CD300LG: variants seen among roughly 807,000 people sequenced by gnomAD.
The protein encoded by CD300LG is CD300 molecule like family member g.
CD300LG carries 29 observed loss-of-function variants against 31.5 expected under a neutral mutation model. The ratio of observed to expected loss-of-function variants is 0.92; its 90% CI spans 0.68 to 1.25. CD300LG has a LOEUF of 1.25. Among genes scored for constraint, CD300LG ranks in the 50% most tolerant of loss-of-function variants. The pLI is 0.00. For synonymous variants in CD300LG, 175 were observed against 177.2 expected (o/e 0.99, Z 0.10); for missense variants, 396 against 417.6 (o/e 0.95, Z 0.45).
chr17:43,859,889 A>G (rs1254155980), intron 6 of CD300LG, among the ~76,000 whole-genome samples: 2 of 152,080 alleles, frequency 1.3e-5, no homozygotes, highest in African/African-American at 4.8e-5. Flanking sequence ...TCTTTGGTAT[A>G]TATTTTATCT....
chr17:43,853,032 C>T lies in CD300LG; in HGVS notation c.481+19C>T, dbSNP rs532112796. 1.1e-5 allele frequency: 17 copies of T among 1,594,080 alleles called. No individual in the cohort carries two copies. The highest frequency in any genetic ancestry group is 8.1e-5 in the African/African-American group (6 of 74,516). ...GGATTGAGTGAGTGAATGGCAATTC[C>T]GCCCCTTCCCTTGCCACCCTTCTTA... is the stretch of plus-strand genomic sequence containing the variant. On this transcript the variant is annotated intron_variant, in intron 3 of 6. Coordinates refer to ENST00000317310, the MANE Select transcript of CD300LG (RefSeq NM_145273.4).
Position 43,862,010 on chromosome 17 carries a change from C to T in CD300LG, c.*99C>T, listed in dbSNP as rs372575511. Reference sequence around the variant, plus strand: ...TTTCCACCTCAGCCTCAGAGTCCAGCTGCCCGGACTCCAGGGCTCTCCCCA... The same window carrying T: ...TTTCCACCTCAGCCTCAGAGTCCAGTTGCCCGGACTCCAGGGCTCTCCCCA... On this transcript the variant is annotated 3_prime_UTR_variant, in exon 7 of 7. Coordinates refer to ENST00000317310, the MANE Select transcript of CD300LG (RefSeq NM_145273.4). 3.3e-5 allele frequency: 25 copies of T among 768,606 alleles called. No individual in the cohort carries two copies. The East Asian group carries it at 5.2e-4, about 16-fold the overall frequency. 47.6% of individuals were successfully genotyped at this position (768,606 alleles called of 1,614,324 possible). A position where few individuals can be genotyped will look rare whatever the true frequency, so the allele number is the denominator to read the frequency against.
intron 3 of CD300LG, among the ~76,000 whole-genome samples, chr17:43,853,291 G>A (rs1305337269): frequency 6.6e-6 from 1 of 152,102 alleles, no homozygotes; most frequent in Non-Finnish European, 1.5e-5. Context: ...AAGCCAGAAA[G>A]GCCAGGCCTT....
At chr17:43,851,097 G>A (rs1301847435) in intron 2 of CD300LG, among the ~76,000 whole-genome samples, 4 of 131,752 alleles carry the variant, frequency 3.0e-5, no homozygotes, top group African/African-American at 1.2e-4. Flanking sequence ...TCGTGCCACT[G>A]CACTCCAGCC....
Position 43,847,287 on chromosome 17 carries a change from G to T in CD300LG, c.43+28G>T, listed in dbSNP as rs201378791. 72 of 1,598,380 alleles carry T rather than the reference G, an allele frequency of 4.5e-5. No individual in the cohort carries two copies. In the East Asian group the frequency reaches 1.6e-3, roughly 36 times the overall value. On this transcript the variant is annotated intron_variant, in intron 1 of 6. Coordinates refer to ENST00000317310, the MANE Select transcript of CD300LG (RefSeq NM_145273.4). ...GAGATGGGGAGAGGGTCTCGGGAGG[G>T]ATGTGGGGCTCACCCTTGTGGTCTG...
At chr17:43,858,947 G>T (rs773095017) in intron 6 of CD300LG, among the ~76,000 whole-genome samples, 3 of 152,152 alleles carry the variant, frequency 2.0e-5, no homozygotes, top group Non-Finnish European at 4.4e-5. Context: ...CGTGTCAGGG[G>T]CTTTATATAT....
rs776973565 is a variant in CD300LG, at chr17:43,861,850, C to T, written c.938C>T (p.Ser313Leu). ...PSQAPEGDVISMPPLHTSEEE... is the reference protein window; with the variant it reads ...PSQAPEGDVILMPPLHTSEEE... ...CAGGCCCCTGAGGGGGACGTGATCT[C>T]GATGCCTCCCCTCCACACATCTGAG... is the stretch of plus-strand genomic sequence containing the variant. Residue 313 changes from serine to leucine, a missense_variant, in exon 7 of 7, where the codon TCG becomes TTG. By Grantham distance (145) the Ser-to-Leu change is moderately radical. Coordinates refer to ENST00000317310, the MANE Select transcript of CD300LG (RefSeq NM_145273.4). The T allele has an allele frequency of 4.3e-6, 7 of 1,612,846 alleles. No homozygotes were observed. The highest frequency in any genetic ancestry group is 5.9e-6 in the Non-Finnish European group (7 of 1,179,506).
At chr17:43,854,484 G>A (rs1216419414) in intron 4 of CD300LG, among the ~76,000 whole-genome samples, 2 of 152,236 alleles carry the variant, frequency 1.3e-5, no homozygotes, top group Non-Finnish European at 2.9e-5. Flanking sequence ...CCAGGCAGCT[G>A]CTGGCAGGTT....
At chr17:43,857,507 T>A in intron 6 of CD300LG, 1 of 1,513,074 alleles carries the variant, frequency 6.6e-7, no homozygotes, top group South Asian at 1.2e-5. Flanking sequence ...GCCTTTGAGA[T>A]CTCTAGCCTG....
intron 6 of CD300LG, among the ~76,000 whole-genome samples, chr17:43,860,163 G>A (rs747158238): frequency 2.0e-5 from 3 of 152,302 alleles, no homozygotes; most frequent in East Asian, 1.9e-4. Flanking sequence ...AGAGGAATGT[G>A]TCACACACCC....
In CD300LG at chr17:43,857,258, G is replaced by A. The variant is rs551548960; in HGVS notation, c.885+102G>A. 54 of 1,485,512 alleles carry A rather than the reference G, an allele frequency of 3.6e-5. No homozygotes were observed. In the South Asian group the frequency reaches 5.8e-4, roughly 16 times the overall value. 92.0% of individuals were successfully genotyped at this position (1,485,512 alleles called of 1,614,324 possible). Reference sequence around the variant, plus strand: ...TGTGACTTCCTACCTGGTCCTCCTTGCCTGACCTAGAGGCAGCGCTTGCTC... The same window carrying A: ...TGTGACTTCCTACCTGGTCCTCCTTACCTGACCTAGAGGCAGCGCTTGCTC... On this transcript the variant is annotated intron_variant, in intron 6 of 6. Coordinates refer to ENST00000317310, the MANE Select transcript of CD300LG (RefSeq NM_145273.4).
chr17:43,853,261 C>T (rs1360062407), intron 3 of CD300LG, among the ~76,000 whole-genome samples: 1 of 152,166 alleles, frequency 6.6e-6, no homozygotes, highest in Non-Finnish European at 1.5e-5. Context: ...TCTGTCTGCG[C>T]CATCCAGAGT....
At chr17:43,847,597 A>C (rs1056844082) in intron 1 of CD300LG, among the ~76,000 whole-genome samples, 6 of 152,304 alleles carry the variant, frequency 3.9e-5, no homozygotes, top group Non-Finnish European at 5.9e-5. Flanking sequence ...TGTTAAACTC[A>C]GCAAATATTT....
Position 43,854,029 on chromosome 17 carries a change from G to T in CD300LG, c.704G>T (p.Gly235Val), listed in dbSNP as rs764793387. Reference protein sequence around the residue: ...AEDTSPALSSGSSKPRVSIPM... With the variant: ...AEDTSPALSSVSSKPRVSIPM... The stretch of plus-strand genomic sequence containing the variant: ...GACACCAGTCCAGCTCTCAGCAGTG[G>T]CAGCTCTAAGCCCAGGTGAGCCCCA... The change falls in exon 4 of 7, where the codon GGC (glycine) becomes GTC (valine). Residue 235 changes from glycine (G) to valine (V), a missense_variant. Transcript: ENST00000317310. 6.2e-7 allele frequency: 1 copy of T among 1,613,746 alleles called. No homozygotes were observed. Among genetic ancestry groups the T allele is most frequent in the Admixed American group, 1.7e-5 (1 of 60,008 alleles).
At chr17:43,848,017 C>A (rs1316069182) in intron 1 of CD300LG, among the ~76,000 whole-genome samples, 1 of 152,038 alleles carries the variant, frequency 6.6e-6, no homozygotes, top group Non-Finnish European at 1.5e-5. Context: ...CTGAGGCGGA[C>A]GGATCACAAG....
chr17:43,862,894 G>A lies in CD300LG; in HGVS notation c.*983G>A, dbSNP rs2046676339. 6.6e-6 allele frequency: 1 copy of A among 152,232 alleles called. No homozygotes were observed. Among genetic ancestry groups the A allele is most frequent in the Non-Finnish European group, 1.5e-5 (1 of 68,070 alleles). The allele number at this position is 152,232 out of a possible 1,614,324, so 9.4% of individuals were successfully genotyped here. A position where few individuals can be genotyped will look rare whatever the true frequency, so the allele number is the denominator to read the frequency against. On this transcript the variant is annotated 3_prime_UTR_variant, in exon 7 of 7. Transcript: ENST00000317310. Reference sequence around the variant, plus strand: ...GGCTAGAGAGAAAAGTAGAAAACCAGAGTGCACGTAGGTGTCTAACACAGA... The same window carrying A: ...GGCTAGAGAGAAAAGTAGAAAACCAAAGTGCACGTAGGTGTCTAACACAGA...
chr17:43,849,174 G>A (rs77027238), intron 2 of CD300LG: 23,525 of 545,222 alleles, frequency 0.043, 1,502 homozygotes, highest in East Asian at 0.26. Context: ...TTTCTGCCCA[G>A]GTGTGCTGGA....
At chr17:43,854,582 C>T (rs1243809640) in intron 4 of CD300LG, among the ~76,000 whole-genome samples, 1 of 152,148 alleles carries the variant, frequency 6.6e-6, no homozygotes, top group African/African-American at 2.4e-5. Flanking sequence ...ATCGTGGTCC[C>T]TAGTGCCCTC....
intron 5 of CD300LG, among the ~76,000 whole-genome samples, chr17:43,856,216 A>G (rs2046516469): frequency 6.6e-6 from 1 of 152,196 alleles, no homozygotes; most frequent in Admixed American, 6.5e-5. Flanking sequence ...TTCTACTTCC[A>G]TGTTTTTCAT....
Sources: allele counts gnomAD v4.1 joint callset (sites outside exome capture counted in the v4.1 genomes callset), GRCh38; gene constraint gnomAD v4.1.1; transcripts MANE v1.5; gene names NCBI Gene and HGNC (gene_info 2026-07-23, HGNC 2026-07-21).